AZIN2: variants seen among roughly 807,000 people sequenced by gnomAD.
The protein encoded by AZIN2 is ODC antizyme inhibitor-2.
In AZIN2, 28 loss-of-function variants were observed where a neutral mutation model predicts 47.8. That is an observed-to-expected ratio of 0.59 (90% CI 0.43 to 0.80). The LOEUF (loss-of-function observed/expected upper bound fraction) is 0.80. Among genes scored for constraint, AZIN2 ranks in the 30% least tolerant of loss-of-function variants. The probability of loss-of-function intolerance (pLI) is 0.00; values close to 1 mark genes in which losing one functional copy is unlikely to be tolerated. For missense variants in AZIN2, 535 were observed against 582.5 expected, an observed-to-expected ratio of 0.92 and a Z score of 0.84; for synonymous variants, 221 against 239.4, an observed-to-expected ratio of 0.92 and a Z score of 0.71.
chr1:33,087,842 C>A (rs75796329), intron 5 of AZIN2, among the ~76,000 whole-genome samples: 1 of 152,166 alleles, frequency 6.6e-6, no homozygotes, highest in Non-Finnish European at 1.5e-5. Flanking sequence ...TTCGACCCCA[C>A]CTCATCAGGC....
At chr1:33,092,661 C>T (rs913701857) in intron 6 of AZIN2, among the ~76,000 whole-genome samples, 4 of 151,648 alleles carry the variant, frequency 2.6e-5, no homozygotes, top group Non-Finnish European at 4.4e-5. Flanking sequence ...TAAGCAAATG[C>T]ATTGAGGTTG....
In AZIN2 at chr1:33,122,387, G is replaced by T. The variant is rs1272207674; in HGVS notation, c.*2205G>T. On this transcript the variant is annotated 3_prime_UTR_variant, in exon 12 of 12. Transcript: ENST00000294517. ...TGTTTCATGTTCCATTTGCAGCAAGGATGTGAAATTTACTTTTCCAAGAAA... is the reference window on the plus strand; with the variant it reads ...TGTTTCATGTTCCATTTGCAGCAAGTATGTGAAATTTACTTTTCCAAGAAA... 6.6e-6 allele frequency among the ~76,000 whole-genome samples: 1 copy of T among 152,214 alleles called. No individual in the cohort carries two copies. Among genetic ancestry groups the T allele is most frequent in the African/African-American group, 2.4e-5 (1 of 41,440 alleles).
the AZIN2 span, among the ~76,000 whole-genome samples, chr1:33,153,429 A>G: frequency 6.6e-6 from 1 of 152,340 alleles, no homozygotes; most frequent in East Asian, 1.9e-4. Context: ...TCCCAGGGAC[A>G]TCTGGCAAAG....
Position 33,122,669 on chromosome 1 carries a change from T to C in AZIN2, c.*2487T>C, listed in dbSNP as rs74974435. Among the ~76,000 whole-genome samples the C allele has an allele frequency of 6.6e-6, 1 of 152,156 alleles. No individual in the cohort carries two copies. The highest frequency in any genetic ancestry group is 1.5e-5 in the Non-Finnish European group (1 of 68,032). On this transcript the variant is annotated 3_prime_UTR_variant, in exon 12 of 12. Transcript: ENST00000294517. ...ACTGGCAGTGGCTCCTCATGCCTCC[T>C]GGCTGCCTTGGAAGTCAGATGTTCC...
chr1:33,086,021 G>C (rs555358535), intron 5 of AZIN2, among the ~76,000 whole-genome samples: 11 of 152,300 alleles, frequency 7.2e-5, no homozygotes, highest in Admixed American at 5.2e-4. Flanking sequence ...TCTGCTTCAG[G>C]AACCCCAGGG....
At chr1:33,132,581 T>A in the AZIN2 span, among the ~76,000 whole-genome samples, 18 of 152,210 alleles carry the variant, frequency 1.2e-4, no homozygotes, top group Non-Finnish European at 2.6e-4. Context: ...CCCCCTAACC[T>A]TCCTCTCCTG....
At chr1:33,137,342 G>C in the AZIN2 span, among the ~76,000 whole-genome samples, 1 of 152,064 alleles carries the variant, frequency 6.6e-6, no homozygotes, top group Non-Finnish European at 1.5e-5. Flanking sequence ...GATAAAAATG[G>C]TATCTCCTCT....
chr1:33,161,811 G>A, the AZIN2 span, among the ~76,000 whole-genome samples: 1 of 152,078 alleles, frequency 6.6e-6, no homozygotes, highest in Admixed American at 6.5e-5. The surrounding 1 kb of genome is among the most constrained non-coding windows in gnomAD (Gnocchi z 4.3). Context: ...TAGCCCACTC[G>A]CCACCCTCTC....
downstream of AZIN2, among the ~76,000 whole-genome samples, chr1:33,124,412 GA>G (rs67196308): frequency 4.8e-4 from 73 of 151,706 alleles, no homozygotes; most frequent in East Asian, 5.0e-3. The surrounding 1 kb of genome is among the most constrained non-coding windows in gnomAD (Gnocchi z 4.6). Context: ...ATAAAAAAAA[GA>G]AAAAAAAGTA....
the AZIN2 span, among the ~76,000 whole-genome samples, chr1:33,129,800 A>C: frequency 6.6e-6 from 1 of 152,192 alleles, no homozygotes. The surrounding 1 kb of genome is among the most constrained non-coding windows in gnomAD (Gnocchi z 4.1). Flanking sequence ...GATGTTCCGA[A>C]GTATCAGCAA....
the AZIN2 span, chr1:33,147,132 C>G: frequency 6.3e-7 from 1 of 1,587,888 alleles, no homozygotes. The surrounding 1 kb of genome is among the most constrained non-coding windows in gnomAD (Gnocchi z 8.1). Flanking sequence ...AGGGCTCTTG[C>G]AGGTGGCAGT....
At chr1:33,156,413 T>C in the AZIN2 span, among the ~76,000 whole-genome samples, 23 of 152,348 alleles carry the variant, frequency 1.5e-4, no homozygotes, top group South Asian at 4.1e-4. Flanking sequence ...GAATAGTCTC[T>C]TCTGGGTTCT....
At chr1:33,084,654 T>C (rs992526301) in intron 5 of AZIN2, among the ~76,000 whole-genome samples, 1 of 152,164 alleles carries the variant, frequency 6.6e-6, no homozygotes, top group Non-Finnish European at 1.5e-5. Context: ...TGGAGTGCAG[T>C]GTTGCCATCT....
the AZIN2 span, among the ~76,000 whole-genome samples, chr1:33,156,050 C>G: frequency 6.6e-6 from 1 of 152,358 alleles, no homozygotes. Flanking sequence ...TCTACTTTCT[C>G]TGGGCTCCTG....
the AZIN2 span, among the ~76,000 whole-genome samples, chr1:33,132,252 G>T: frequency 1.3e-5 from 2 of 152,244 alleles, no homozygotes; most frequent in Non-Finnish European, 2.9e-5. Flanking sequence ...GAGCTCTCCA[G>T]TCTCTAGGGG....
the AZIN2 span, chr1:33,147,201 C>A: frequency 6.2e-7 from 1 of 1,613,788 alleles, no homozygotes; most frequent in Non-Finnish European, 8.5e-7. The surrounding 1 kb of genome is among the most constrained non-coding windows in gnomAD (Gnocchi z 8.1). Flanking sequence ...TGTTGATCCG[C>A]AGCGGCTGAA....
intron 10 of AZIN2, among the ~76,000 whole-genome samples, chr1:33,109,675 A>T (rs1226709829): frequency 6.6e-6 from 1 of 151,692 alleles, no homozygotes; most frequent in East Asian, 1.9e-4. Flanking sequence ...AATAAAGTCC[A>T]GTTTATCAAT....
the AZIN2 span, chr1:33,158,418 C>A: frequency 6.4e-7 from 1 of 1,559,942 alleles, no homozygotes; most frequent in Non-Finnish European, 8.8e-7. Flanking sequence ...GATTCCTGCC[C>A]CAATGCCAGG....
At chr1:33,114,043 G>T (rs902064286) in intron 10 of AZIN2, among the ~76,000 whole-genome samples, 1 of 151,860 alleles carries the variant, frequency 6.6e-6, no homozygotes, top group Non-Finnish European at 1.5e-5. Context: ...TCACAAGTGA[G>T]ATTTTGGCCA....
Sources: gnomAD v4.1 joint callset for allele counts (sites outside exome capture counted in the v4.1 genomes callset) on GRCh38, gnomAD v4.1.1 for gene constraint, Gnocchi (gnomAD v3.1) non-coding constraint, MANE v1.5 for transcripts, NCBI Gene and HGNC (gene_info 2026-07-23, HGNC 2026-07-21) for gene names.